Variants in SNX13 observed in about 807,000 individuals in gnomAD.
The protein encoded by SNX13 is sorting nexin 13, also known as sorting nexin-13.
SNX13 carries 45 observed loss-of-function variants against 133.6 expected under a neutral mutation model. The ratio of observed to expected loss-of-function variants is 0.34; its 90% confidence interval spans 0.27 to 0.43. The LOEUF is 0.43. Ranked by LOEUF, SNX13 falls within the 20% of genes least tolerant of loss-of-function variation. The pLI, the probability that SNX13 is intolerant of heterozygous loss-of-function variation, is 1.00. For missense variants in SNX13, 1,032 were observed against 1,145.1 expected, an observed-to-expected ratio of 0.90 and a Z score of 1.43; for synonymous variants, 414 against 373.9, an observed-to-expected ratio of 1.11 and a Z score of -1.24.
At chr7:17,937,460 G>C (rs558063275) in intron 1 of SNX13, among the ~76,000 whole-genome samples, 57 of 139,768 alleles carry the variant, frequency 4.1e-4, no homozygotes, top group Non-Finnish European at 7.5e-4. Context: ...GTTGCAGTGA[G>C]CCAAGATCGC....
At chr7:17,824,389 A>G (rs1787640068) in intron 17 of SNX13, among the ~76,000 whole-genome samples, 1 of 152,190 alleles carries the variant, frequency 6.6e-6, no homozygotes. Flanking sequence ...AAAGATGCTA[A>G]AAGATCTAGA....
intron 5 of SNX13, among the ~76,000 whole-genome samples, chr7:17,876,175 C>T (rs996524632): frequency 6.6e-6 from 1 of 152,192 alleles, no homozygotes; most frequent in Non-Finnish European, 1.5e-5. Context: ...TTTAAAAGAG[C>T]ATTTCAAACA....
rs57618763 is a variant in SNX13, at chr7:17,877,045, G to GAAAAAAAAAAAAAAAAAAAA, written c.441-1275_441-1256dup. On this transcript the variant is annotated intron_variant, in intron 5 of 25. Transcript: ENST00000428135. The stretch of plus-strand genomic sequence containing the variant: ...GCTGACTTAATTACTGTTACTTTTT[G>GAAAAAAAAAAAAAAAAAAAA]AAAAAAAAAAAAAAAAAAAAAAAGC... 3.3e-5 allele frequency among the ~76,000 whole-genome samples: 2 copies of GAAAAAAAAAAAAAAAAAAAA among 60,068 alleles called. 1 individual carries two copies. The allele number at this position is 60,068 out of a possible 152,430, so 39.4% of individuals were successfully genotyped here.
At chr7:17,908,974 TAA>T (rs1449556438) in intron 1 of SNX13, among the ~76,000 whole-genome samples, 1 of 151,968 alleles carries the variant, frequency 6.6e-6, no homozygotes, top group Non-Finnish European at 1.5e-5. Flanking sequence ...GAATAACTGA[TAA>T]AGAGACCATA....
At chr7:17,858,883 T>A (rs1232547028) in intron 9 of SNX13, among the ~76,000 whole-genome samples, 3 of 152,150 alleles carry the variant, frequency 2.0e-5, no homozygotes, top group Non-Finnish European at 2.9e-5. Context: ...TTTCAACAAA[T>A]GGTGCTAGAA....
intron 13 of SNX13, among the ~76,000 whole-genome samples, 184 bp downstream of exon 13, chr7:17,839,623 A>G (rs1472036311): frequency 6.6e-6 from 1 of 152,006 alleles, no homozygotes; most frequent in Non-Finnish European, 1.5e-5. Context: ...GACTGTGGCC[A>G]TGATAATTTG....
chr7:17,864,011 G>C (rs144898084), intron 9 of SNX13, among the ~76,000 whole-genome samples: 5 of 152,300 alleles, frequency 3.3e-5, no homozygotes, highest in African/African-American at 9.6e-5. Context: ...CATAGGCTTA[G>C]GTTACAACAT....
intron 5 of SNX13, among the ~76,000 whole-genome samples, chr7:17,884,463 TAAG>T (rs1795747844): frequency 6.6e-6 from 1 of 152,218 alleles, no homozygotes; most frequent in Non-Finnish European, 1.5e-5. Flanking sequence ...AACGAAAACA[TAAG>T]AATTGTTTTT....
intron 11 of SNX13, 109 bp from the exon 12 acceptor site, chr7:17,845,803 GT>G: frequency 1.5e-6 from 1 of 674,646 alleles, no homozygotes; most frequent in Non-Finnish European, 2.4e-6. Flanking sequence ...TAAAGATGAA[GT>G]TTTTCCCTTC....
intron 1 of SNX13, among the ~76,000 whole-genome samples, chr7:17,936,486 A>C (rs1379591535): frequency 6.6e-6 from 1 of 152,178 alleles, no homozygotes; most frequent in Non-Finnish European, 1.5e-5. Flanking sequence ...AAATAGCTAC[A>C]CTGTTTATTA....
intron 20 of SNX13, among the ~76,000 whole-genome samples, chr7:17,805,910 G>C (rs535531778): frequency 8.7e-4 from 133 of 152,306 alleles, no homozygotes; most frequent in Non-Finnish European, 1.6e-3. Context: ...AAAGGTGACT[G>C]TTGGTTAACC....
chr7:17,830,395 G>T, intron 15 of SNX13: 1 of 984,302 alleles, frequency 1.0e-6, no homozygotes, highest in Non-Finnish European at 1.2e-6. Flanking sequence ...GCAGAATGAG[G>T]CCCATTAGGA....
intron 1 of SNX13, among the ~76,000 whole-genome samples, chr7:17,920,345 G>A (rs1376371374): frequency 6.6e-6 from 1 of 151,986 alleles, no homozygotes; most frequent in African/African-American, 2.4e-5. Flanking sequence ...ACCTTATTCT[G>A]ACCAAAAATA....
intron 11 of SNX13, 123 bp downstream of exon 11, chr7:17,850,224 T>A (rs1791048059): frequency 2.3e-6 from 1 of 442,174 alleles, no homozygotes; most frequent in African/African-American, 2.0e-5. Context: ...AAAACTCTTT[T>A]TAAAGTCCTC....
rs989536377 is a variant in SNX13 at position 17,852,352 on chromosome 7, G to A, written c.838-1388C>T. Among the ~76,000 whole-genome samples, 8 of 152,012 alleles carry A rather than the reference G, an allele frequency of 5.3e-5. No individual in the cohort carries two copies. In the East Asian group the frequency reaches 5.8e-4, roughly 11 times the overall value. On this transcript the variant is annotated intron_variant, in intron 9 of 25. Coordinates refer to ENST00000428135, the MANE Select transcript of SNX13 (RefSeq NM_015132.5). ...CGTGCCACTGTACTCCAGGTTGGGC[G>A]CCAGAGTGAGATTCCGTCTCAAAAA...
intron 16 of SNX13, 55 bp from the exon 17 acceptor site, chr7:17,826,146 A>G (rs970317755): frequency 5.9e-6 from 7 of 1,180,432 alleles, no homozygotes; most frequent in Admixed American, 4.7e-5. Context: ...GAAAAAAAAG[A>G]GTAAAGAATT....
chr7:17,885,065 A>T (rs1318898853), intron 5 of SNX13, among the ~76,000 whole-genome samples: 1 of 152,248 alleles, frequency 6.6e-6, no homozygotes, highest in Non-Finnish European at 1.5e-5. Flanking sequence ...TAGTAGCATT[A>T]TTCATATGAT....
At chr7:17,868,912 A>G (rs572029088) in intron 8 of SNX13, among the ~76,000 whole-genome samples, 18 of 152,246 alleles carry the variant, frequency 1.2e-4, no homozygotes, top group Admixed American at 5.9e-4. Flanking sequence ...ACTACAGTAC[A>G]TTATCAACAC....
intron 9 of SNX13, among the ~76,000 whole-genome samples, chr7:17,861,332 TACAGTTATCTCACACACACACAC>T (rs1265879452): frequency 2.5e-4 from 32 of 130,246 alleles, no homozygotes; most frequent in Non-Finnish European, 4.0e-4. Flanking sequence ...TTATCACACA[TACAGTTATCTCACACACACACAC>T]ACACACACAC....
Sources: gnomAD v4.1 joint callset for allele counts (sites outside exome capture counted in the v4.1 genomes callset) on GRCh38, gnomAD v4.1.1 for gene constraint, MANE v1.5 for transcripts, NCBI Gene and HGNC (gene_info 2026-07-23, HGNC 2026-07-21) for gene names.